EDA: variants seen among roughly 807,000 people sequenced by gnomAD.
EDA encodes the protein ectodysplasin A, also known as ectodysplasin-A.
In EDA, 2 loss-of-function variants were observed where a neutral mutation model predicts 23.6. The observed-to-expected ratio is 0.08, with a 90% CI of 0.03 to 0.27. EDA has a LOEUF of 0.27. Among genes scored for constraint, EDA ranks in the 10% least tolerant of loss-of-function variants. The pLI is 1.00. For missense variants in EDA, 229 were observed against 324.2 expected (o/e 0.71, Z 2.26); for synonymous variants, 131 against 132.0 (o/e 0.99, Z 0.05).
chrX:69,777,934 C>G (rs2014833010), intron 1 of EDA, among the ~76,000 whole-genome samples: 1 of 111,316 alleles, frequency 9.0e-6, no homozygotes, highest in Non-Finnish European at 1.9e-5. Context: ...AGAATGAATT[C>G]TACATGCACC....
chrX:69,716,486 T>TA (rs2012340232), intron 1 of EDA, among the ~76,000 whole-genome samples: 1 of 111,353 alleles, frequency 9.0e-6, no homozygotes, highest in Admixed American at 9.5e-5. Flanking sequence ...TAATATAGTT[T>TA]AAAGTCAGGT....
intron 1 of EDA, among the ~76,000 whole-genome samples, chrX:69,755,917 G>A (rs138699656): frequency 5.2e-4 from 58 of 112,495 alleles, no homozygotes; most frequent in African/African-American, 1.8e-3. Context: ...TTGGAAAAGC[G>A]CAGTATTAGA....
At chrX:69,712,227 T>G (rs191985113) in intron 1 of EDA, among the ~76,000 whole-genome samples, 80 of 111,936 alleles carry the variant, frequency 7.1e-4, no homozygotes, top group Non-Finnish European at 1.3e-3. Flanking sequence ...AGAACATCTT[T>G]ATTTTTGCCT....
chrX:69,862,798 A>G (rs761059273), intron 1 of EDA, among the ~76,000 whole-genome samples: 1 of 111,142 alleles, frequency 9.0e-6, no homozygotes, highest in African/African-American at 3.3e-5. Context: ...TAGAGTAACT[A>G]CAACACAAAT....
intron 1 of EDA, among the ~76,000 whole-genome samples, chrX:69,850,437 C>G (rs776337534): frequency 8.9e-6 from 1 of 112,116 alleles, no homozygotes; most frequent in South Asian, 3.7e-4. Flanking sequence ...AGAAGGCACC[C>G]TTAGCTTTTA....
At position 69,973,536 on chromosome X, in the gene EDA, T is replaced by C. The variant is rs1015762498; in HGVS notation, c.502+16404T>C. ...ACTCCTTGCCCATTGCTCCTCCTAC[T>C]GGTTCTGATCCATATTGGAACTCCC... On this transcript the variant is annotated intron_variant, in intron 2 of 7. Transcript: ENST00000374552. Among the ~76,000 whole-genome samples the C allele has an allele frequency of 1.6e-4, 18 of 111,700 alleles. No individual in the cohort carries two copies. In the East Asian group the frequency reaches 2.0e-3, roughly 12 times the overall value.
chrX:69,937,528 A>G, intron 1 of EDA: 1 of 968,506 alleles, frequency 1.0e-6, no homozygotes, highest in Non-Finnish European at 1.5e-6. Flanking sequence ...TTGATTAAAT[A>G]GCCAAAGTTG....
intron 1 of EDA, among the ~76,000 whole-genome samples, chrX:69,840,731 G>A (rs779297746): frequency 8.0e-5 from 9 of 111,854 alleles, no homozygotes; most frequent in African/African-American, 1.9e-4. Context: ...TAGTTTTGGA[G>A]GCTGGGAAGT....
intron 1 of EDA, among the ~76,000 whole-genome samples, chrX:69,678,710 A>C (rs1482559388): frequency 9.6e-6 from 1 of 103,867 alleles, no homozygotes; most frequent in Non-Finnish European, 1.9e-5. Flanking sequence ...TATCAGCTTA[A>C]GGAGATTTTG....
At chrX:70,029,294 CCTGCTGGGTGCTGG>C (rs1389927281) in intron 4 of EDA, among the ~76,000 whole-genome samples, 196 bp from the exon 5 acceptor site, 1 of 112,194 alleles carries the variant, frequency 8.9e-6, no homozygotes, top group Non-Finnish European at 1.9e-5. Context: ...CAGAAGTTTC[CCTGCTGGGTGCTGG>C]GCCCACTGAA....
At chrX:70,033,650 G>T (rs910753777) in intron 7 of EDA, 122 bp downstream of exon 7, 2 of 860,005 alleles carry the variant, frequency 2.3e-6, no homozygotes, top group East Asian at 6.6e-5. Context: ...TTTGGGTGAG[G>T]GGGTGGGGGG....
chrX:69,653,969 G>T (rs1933200168), intron 1 of EDA, among the ~76,000 whole-genome samples: 1 of 111,475 alleles, frequency 9.0e-6, no homozygotes, highest in Non-Finnish European at 1.9e-5. Context: ...TTAAACTAAA[G>T]AGCTTCTGCA....
intron 1 of EDA, among the ~76,000 whole-genome samples, chrX:69,695,700 C>G (rs1287226393): frequency 1.9e-5 from 2 of 107,886 alleles, no homozygotes; most frequent in Non-Finnish European, 3.8e-5. Flanking sequence ...TGGGGTTTTA[C>G]TATGTTGGCC....
At chrX:69,645,961 C>A (rs1932918847) in intron 1 of EDA, among the ~76,000 whole-genome samples, 2 of 110,906 alleles carry the variant, frequency 1.8e-5, no homozygotes, top group Admixed American at 9.7e-5. Context: ...AACAGTCATT[C>A]AGGAGCATAT....
At chrX:69,748,085 C>T (rs1213961007) in intron 1 of EDA, among the ~76,000 whole-genome samples, 1 of 111,620 alleles carries the variant, frequency 9.0e-6, no homozygotes. Flanking sequence ...AGGTGAGAAG[C>T]TGCTCAGCCC....
At chrX:69,999,539 C>T (rs2019709336) in intron 2 of EDA, among the ~76,000 whole-genome samples, 1 of 107,520 alleles carries the variant, frequency 9.3e-6, no homozygotes, top group South Asian at 4.1e-4. Flanking sequence ...TTGCTTCAAC[C>T]CAGGAGGCAG....
At chrX:69,827,470 C>A (rs999737890) in intron 1 of EDA, among the ~76,000 whole-genome samples, 1 of 111,082 alleles carries the variant, frequency 9.0e-6, no homozygotes, top group African/African-American at 3.3e-5. Context: ...TCACTGATAC[C>A]CTTTCTTCCA....
chrX:69,836,638 C>A (rs2016782852), intron 1 of EDA, among the ~76,000 whole-genome samples: 1 of 112,210 alleles, frequency 8.9e-6, no homozygotes, highest in African/African-American at 3.2e-5. Context: ...GGTAGTCTGT[C>A]ACAGCTTCCC....
In EDA at chrX:69,953,526, C is replaced by T. The variant is rs748241583; in HGVS notation, c.397-3501C>T. 5.4e-5 allele frequency among the ~76,000 whole-genome samples: 6 copies of T among 111,905 alleles called. No individual in the cohort carries two copies. In the Admixed American group the frequency reaches 5.7e-4, roughly 11 times the overall value. On this transcript the variant is annotated intron_variant, in intron 1 of 7. Coordinates refer to ENST00000374552, the MANE Select transcript of EDA (RefSeq NM_001399.5). ...AATACCATATAACCCAGAGGTTCTACTCCTAGGTGTTTACCCAAGAAACAT... is the reference window on the plus strand; with the variant it reads ...AATACCATATAACCCAGAGGTTCTATTCCTAGGTGTTTACCCAAGAAACAT...
Sources: allele counts gnomAD v4.1 joint callset (sites outside exome capture counted in the v4.1 genomes callset), GRCh38; gene constraint gnomAD v4.1.1; transcripts MANE v1.5; gene names NCBI Gene and HGNC (gene_info 2026-07-23, HGNC 2026-07-21).